MED23: variants seen among roughly 807,000 people sequenced by gnomAD.
The protein encoded by MED23 is mediator complex subunit 23.
In MED23, 105 loss-of-function variants were observed where a neutral mutation model predicts 163.9. The ratio of observed to expected loss-of-function variants is 0.64; its 90% CI spans 0.55 to 0.75. MED23 has a LOEUF of 0.75. Ranked by LOEUF, MED23 falls within the 30% of genes least tolerant of loss-of-function variation. MED23 has a pLI of 0.00. For missense variants in MED23, 1,054 were observed against 1,649.0 expected, an observed-to-expected ratio of 0.64 and a Z score of 6.25; for synonymous variants, 561 against 565.6, an observed-to-expected ratio of 0.99 and a Z score of 0.12.
chr6:131,580,653 G>A (rs1324270032), intron 30 of MED23, among the ~76,000 whole-genome samples: 1 of 152,176 alleles, frequency 6.6e-6, no homozygotes, highest in African/African-American at 2.4e-5. Flanking sequence ...GGTTGAGTGG[G>A]TAACTAGATG....
intron 16 of MED23, 42 bp downstream of exon 16, chr6:131,602,988 T>G: frequency 6.2e-7 from 1 of 1,601,106 alleles, no homozygotes; most frequent in East Asian, 2.2e-5. Flanking sequence ...CCAAGAAAGT[T>G]TCTAATAAAT....
At chr6:131,623,549 C>T in intron 4 of MED23, 87 bp from the exon 5 acceptor site, 1 of 1,001,670 alleles carries the variant, frequency 1.0e-6, no homozygotes, top group Non-Finnish European at 1.6e-6. Context: ...GCTGTGTACT[C>T]ACACAAATCT....
intron 30 of MED23, among the ~76,000 whole-genome samples, chr6:131,580,992 GT>G (rs1156243020): frequency 6.6e-6 from 1 of 152,122 alleles, no homozygotes; most frequent in Non-Finnish European, 1.5e-5. Context: ...AAAAATCACA[GT>G]TTTTTTAGTA....
rs373028919 is a variant in MED23 at position 131,628,042 on chromosome 6, G to T, written c.8C>A (p.Thr3Lys). The change falls in exon 1 of 29, where the codon ACG becomes AAG. Residue 3 changes from threonine (T) to lysine (K), a missense_variant. Transcript: ENST00000368068. METQLQSIFEEVV... is the reference protein window; with the variant it reads MEKQLQSIFEEVV... ...CTCTTCGAAAATGCTCTGCAGTTGCGTCTCCATCTGTACTATCACCCCCGC... is the reference window on the plus strand; with the variant it reads ...CTCTTCGAAAATGCTCTGCAGTTGCTTCTCCATCTGTACTATCACCCCCGC... 43 of 1,613,866 alleles carry T rather than the reference G, an allele frequency of 2.7e-5. No individual in the cohort carries two copies. Among genetic ancestry groups the T allele is most frequent in the Non-Finnish European group, 3.3e-5 (39 of 1,180,032 alleles).
chr6:131,606,850 A>G (rs964200769), intron 12 of MED23, among the ~76,000 whole-genome samples: 1 of 152,178 alleles, frequency 6.6e-6, no homozygotes, highest in African/African-American at 2.4e-5. Flanking sequence ...TTTAAGTAAC[A>G]CATATTCACA....
chr6:131,597,355 A>G (rs1775126023), intron 20 of MED23, among the ~76,000 whole-genome samples: 2 of 151,636 alleles, frequency 1.3e-5, no homozygotes, highest in South Asian at 4.2e-4. Flanking sequence ...GGGCACCTGT[A>G]GTCCCAGCTA....
intron 28 of MED23, among the ~76,000 whole-genome samples, 164 bp from the exon 29 acceptor site, chr6:131,588,010 TGA>T (rs1389379842): frequency 1.6e-4 from 24 of 152,312 alleles, no homozygotes; most frequent in African/African-American, 5.8e-4. Context: ...GCAGATACAA[TGA>T]TTTCTTTCTT....
chr6:131,618,357 G>T, intron 9 of MED23, 50 bp downstream of exon 9: 1 of 1,213,116 alleles, frequency 8.2e-7, no homozygotes, highest in Non-Finnish European at 1.2e-6. Flanking sequence ...TATAATCTAG[G>T]TTGAAGACTG....
Position 131,594,141 on chromosome 6 carries a change from C to A in MED23, c.3190G>T (p.Asp1064Tyr). The change falls in exon 23 of 29, where the codon GAT (aspartate) becomes TAT (tyrosine). Residue 1064 changes from aspartate to tyrosine, a missense_variant. This residue lies in a region of MED23 where 362 missense variants were observed against 471.6 expected (regional missense o/e 0.77). Transcript: ENST00000368068. Reference sequence around the variant, plus strand: ...ATCAATCTGCAATAGTAGGTGTCATCTGGAACCCAAGGATTTTCCTCTCGT... The same window carrying A: ...ATCAATCTGCAATAGTAGGTGTCATATGGAACCCAAGGATTTTCCTCTCGT... The part of the protein sequence containing the change: ...NAREENPWVP[D>Y]DTYYCRLIGR... The A allele has an allele frequency of 1.2e-6, 2 of 1,614,138 alleles. No homozygotes were observed. Among genetic ancestry groups the A allele is most frequent in the Non-Finnish European group, 1.7e-6 (2 of 1,180,014 alleles).
chr6:131,626,369 AAG>A (rs1442166546), intron 3 of MED23, among the ~76,000 whole-genome samples: 4 of 152,074 alleles, frequency 2.6e-5, no homozygotes, highest in Non-Finnish European at 5.9e-5. Flanking sequence ...GATTGGTTAA[AAG>A]GAGGAAGGTA....
At chr6:131,623,220 A>T in intron 5 of MED23, 131 bp downstream of exon 5, 5 of 797,594 alleles carry the variant, frequency 6.3e-6, no homozygotes, top group Non-Finnish European at 6.3e-6. Flanking sequence ...CTTTTCAGGA[A>T]ATATACCACA....
chr6:131,610,207 C>A lies in MED23; in HGVS notation c.916G>T (p.Asp306Tyr). 3 of 1,614,024 alleles carry A rather than the reference C, an allele frequency of 1.9e-6. No homozygotes were observed. The highest frequency in any genetic ancestry group is 2.5e-6 in the Non-Finnish European group (3 of 1,179,928). The part of the protein sequence containing the change: ...RCPVLEDQLV[D>Y]LVVYAMERSE... The stretch of plus-strand genomic sequence containing the variant: ...CGCTCCATGGCATAAACAACCAGAT[C>A]CACCAACTGGTCCTCCAGCACAGGG... The change falls in exon 11 of 29, where the codon GAT becomes TAT. Residue 306 changes from aspartate (D) to tyrosine (Y), a missense_variant. Transcript: ENST00000368068.
At chr6:131,594,831 A>T (rs1774924125) in intron 22 of MED23, among the ~76,000 whole-genome samples, 1 of 146,246 alleles carries the variant, frequency 6.8e-6, no homozygotes, top group Non-Finnish European at 1.5e-5. Flanking sequence ...CAAACAAACA[A>T]ACAAACAAAA....
At chr6:131,577,318 A>T (rs1037230206) in intron 30 of MED23, among the ~76,000 whole-genome samples, 1 of 152,182 alleles carries the variant, frequency 6.6e-6, no homozygotes, top group Non-Finnish European at 1.5e-5. Flanking sequence ...AATGCAAATG[A>T]TACAGCCACT....
Position 131,586,914 on chromosome 6 carries a change from C to G in MED23, c.*765G>C. ...GATTATAAAAATTGAAGAATTACAT[C>G]ATCTGTCAGGTGAGAGTGTCAACCT... On this transcript the variant is annotated 3_prime_UTR_variant, in exon 29 of 29. Transcript: ENST00000368068. The G allele has an allele frequency of 6.9e-7, 1 of 1,454,824 alleles. No individual in the cohort carries two copies. The highest frequency in any genetic ancestry group is 9.3e-7 in the Non-Finnish European group (1 of 1,075,672). The allele number at this position is 1,454,824 out of a possible 1,614,324, so 90.1% of individuals were successfully genotyped here.
intron 25 of MED23, chr6:131,592,036 C>T (rs924811536): frequency 7.0e-6 from 2 of 284,976 alleles, no homozygotes. Context: ...TAAAACATGT[C>T]TTAAGCACTA....
chr6:131,609,673 G>C (rs1776127273), intron 11 of MED23, among the ~76,000 whole-genome samples: 1 of 146,514 alleles, frequency 6.8e-6, no homozygotes, highest in Non-Finnish European at 1.5e-5. Context: ...TAATCATGTT[G>C]TGTGTGTGTG....
chr6:131,614,296 A>G (rs1776489848), intron 10 of MED23, among the ~76,000 whole-genome samples: 1 of 152,216 alleles, frequency 6.6e-6, no homozygotes, highest in South Asian at 2.1e-4. Flanking sequence ...CAAAGTTTCA[A>G]CACTGAGCAA....
At chr6:131,616,962 G>A (rs1190084627) in intron 9 of MED23, among the ~76,000 whole-genome samples, 2 of 152,020 alleles carry the variant, frequency 1.3e-5, no homozygotes, top group East Asian at 3.9e-4. Flanking sequence ...TTCCTAGTAA[G>A]ATTCAAAAAA....
Sources: allele counts gnomAD v4.1 joint callset (sites outside exome capture counted in the v4.1 genomes callset), GRCh38; gene constraint gnomAD v4.1.1; regional missense constraint gnomAD v4.1.1; transcripts MANE v1.5; gene names NCBI Gene and HGNC (gene_info 2026-07-23, HGNC 2026-07-21).